Variants in SMARCC1 observed in about 807,000 individuals in gnomAD.
SMARCC1 encodes the protein SWI/SNF related BAF chromatin remodeling complex subunit C1.
SMARCC1 carries 43 observed loss-of-function variants against 147.4 expected under a neutral mutation model. The observed-to-expected ratio is 0.29, with a 90% CI of 0.23 to 0.38. The LOEUF (loss-of-function observed/expected upper bound fraction) is 0.38, where lower values mean the gene tolerates loss of function less well. Ranked by LOEUF, SMARCC1 falls within the 10% of genes least tolerant of loss-of-function variation. The probability of loss-of-function intolerance (pLI) is 1.00; values close to 1 mark genes in which losing one functional copy is unlikely to be tolerated. For missense variants in SMARCC1, 1,119 were observed against 1,381.1 expected (o/e 0.81, Z 3.01); for synonymous variants, 495 against 484.4 (o/e 1.02, Z -0.29).
At chr3:47,613,845 A>G (rs931330327) in intron 25 of SMARCC1, among the ~76,000 whole-genome samples, 2 of 152,092 alleles carry the variant, frequency 1.3e-5, no homozygotes, top group Admixed American at 6.5e-5. Flanking sequence ...GTGTATGTAT[A>G]AAGCAGCCGT....
intron 24 of SMARCC1, among the ~76,000 whole-genome samples, chr3:47,625,302 T>C (rs1399205232): frequency 6.6e-6 from 1 of 152,054 alleles, no homozygotes; most frequent in African/African-American, 2.4e-5. Flanking sequence ...TTTATTTTTC[T>C]TTATTTTATT....
At chr3:47,680,710 G>A (rs1353384934) in intron 14 of SMARCC1, among the ~76,000 whole-genome samples, 1 of 151,456 alleles carries the variant, frequency 6.6e-6, no homozygotes, top group Non-Finnish European at 1.5e-5. Context: ...ACTACGCCCG[G>A]CTAATTTTTT....
intron 21 of SMARCC1, 31 bp from the exon 22 acceptor site, chr3:47,638,811 C>T: frequency 6.6e-7 from 1 of 1,514,276 alleles, no homozygotes; most frequent in South Asian, 1.1e-5. Flanking sequence ...ACAAGTACTC[C>T]AATGTGGAAA....
At chr3:47,703,835 C>T (rs561303333) in intron 10 of SMARCC1, among the ~76,000 whole-genome samples, 3 of 152,260 alleles carry the variant, frequency 2.0e-5, no homozygotes, top group Admixed American at 6.5e-5. Context: ...CTTCCTCTGT[C>T]ACCCAGGCTA....
rs989714812 is a variant in SMARCC1 at position 47,586,492 on chromosome 3, C to T, written c.*1717G>A. 2.6e-5 allele frequency: 4 copies of T among 152,576 alleles called. No homozygotes were observed. Among genetic ancestry groups the T allele is most frequent in the African/African-American group, 4.8e-5 (2 of 41,418 alleles). The allele number at this position is 152,576 out of a possible 1,614,324, so 9.5% of individuals were successfully genotyped here. A position where few individuals can be genotyped will look rare whatever the true frequency, so the allele number is the denominator to read the frequency against. On this transcript the variant is annotated 3_prime_UTR_variant, in exon 28 of 28. Transcript: ENST00000254480. ...CAAAAGGACCAAGGTCTCCTCGGTT[C>T]CCGTATTCCAGTACTCTGATGGTGA...
chr3:47,711,100 G>A (rs564189458), intron 8 of SMARCC1, among the ~76,000 whole-genome samples: 2 of 152,272 alleles, frequency 1.3e-5, no homozygotes, highest in African/African-American at 4.8e-5. Flanking sequence ...GAAAATCACT[G>A]ATAAAAACAT....
chr3:47,617,287 T>C (rs1394163639), intron 25 of SMARCC1, among the ~76,000 whole-genome samples: 2 of 152,242 alleles, frequency 1.3e-5, no homozygotes, highest in African/African-American at 4.8e-5. Flanking sequence ...TGGCTTATGC[T>C]GTCATCCAAC....
At chr3:47,742,512 C>T (rs550581795) in intron 3 of SMARCC1, among the ~76,000 whole-genome samples, 1 of 152,204 alleles carries the variant, frequency 6.6e-6, no homozygotes, top group East Asian at 1.9e-4. Flanking sequence ...GGAGAAAAAC[C>T]ATAAATAAGA....
chr3:47,744,300 T>A (rs1272462276), intron 3 of SMARCC1, among the ~76,000 whole-genome samples: 1 of 152,056 alleles, frequency 6.6e-6, no homozygotes, highest in African/African-American at 2.4e-5. Context: ...TGCCACCAAG[T>A]CTGGCTAATT....
intron 10 of SMARCC1, among the ~76,000 whole-genome samples, chr3:47,704,525 A>AC (rs2033966264): frequency 6.6e-6 from 1 of 152,128 alleles, no homozygotes; most frequent in South Asian, 2.1e-4. Flanking sequence ...GTGTCCTGGC[A>AC]CCCCATTTTA....
At chr3:47,700,415 A>T (rs2033903040) in intron 11 of SMARCC1, among the ~76,000 whole-genome samples, 1 of 152,194 alleles carries the variant, frequency 6.6e-6, no homozygotes, top group Non-Finnish European at 1.5e-5. Context: ...AGTATGCTAG[A>T]GCTTATTTTT....
intron 19 of SMARCC1, among the ~76,000 whole-genome samples, chr3:47,665,957 A>G (rs780304366): frequency 1.3e-5 from 2 of 151,590 alleles, no homozygotes; most frequent in Non-Finnish European, 2.9e-5. Flanking sequence ...ATCGATTATT[A>G]TAATTACCTT....
chr3:47,773,772 G>A (rs1179461531), intron 1 of SMARCC1, among the ~76,000 whole-genome samples: 1 of 151,910 alleles, frequency 6.6e-6, no homozygotes, highest in Non-Finnish European at 1.5e-5. Flanking sequence ...TGGGACTACA[G>A]GCGCGCAACC....
chr3:47,651,700 T>C (rs1425639478), intron 21 of SMARCC1, among the ~76,000 whole-genome samples: 1 of 152,256 alleles, frequency 6.6e-6, no homozygotes, highest in Non-Finnish European at 1.5e-5. Flanking sequence ...CTTTTCACCA[T>C]AGCACATCAG....
At chr3:47,724,410 T>G (rs1201670951) in intron 6 of SMARCC1, among the ~76,000 whole-genome samples, 1 of 152,172 alleles carries the variant, frequency 6.6e-6, no homozygotes. Context: ...CCACTTATAT[T>G]AGGTTATCTA....
At chr3:47,770,069 C>A (rs77917193) in intron 2 of SMARCC1, among the ~76,000 whole-genome samples, 74 of 147,754 alleles carry the variant, frequency 5.0e-4, no homozygotes, top group African/African-American at 1.4e-3. Flanking sequence ...ACTAAAAATA[C>A]AAAAAAAAAA....
intron 21 of SMARCC1, among the ~76,000 whole-genome samples, chr3:47,651,826 T>G (rs1358000479): frequency 6.6e-6 from 1 of 152,194 alleles, no homozygotes; most frequent in Admixed American, 6.5e-5. Flanking sequence ...GAAATTTTGG[T>G]TTACTTTGTT....
chr3:47,657,879 T>C (rs879471657), intron 21 of SMARCC1, among the ~76,000 whole-genome samples: 20 of 151,822 alleles, frequency 1.3e-4, no homozygotes, highest in South Asian at 6.2e-4. Context: ...GCAAAACTTA[T>C]AGAATGTCGC....
intron 9 of SMARCC1, among the ~76,000 whole-genome samples, chr3:47,708,659 T>A (rs2034047045): frequency 6.6e-6 from 1 of 151,820 alleles, no homozygotes; most frequent in Admixed American, 6.6e-5. Flanking sequence ...AATAAGAGAA[T>A]ATGAAGAGTC....
Sources: gnomAD v4.1 joint callset for allele counts (sites outside exome capture counted in the v4.1 genomes callset) on GRCh38, gnomAD v4.1.1 for gene constraint, MANE v1.5 for transcripts, NCBI Gene and HGNC (gene_info 2026-07-23, HGNC 2026-07-21) for gene names.